Variants in CETN2 observed in about 807,000 individuals in gnomAD.
CETN2 encodes centrin-2.
In CETN2, 2 loss-of-function variants were observed where a neutral mutation model predicts 12.6. That is an observed-to-expected ratio of 0.16 (90% CI 0.07 to 0.50). The LOEUF is 0.50. Among genes scored for constraint, CETN2 ranks in the 20% least tolerant of loss-of-function variants. The pLI, the probability that CETN2 is intolerant of heterozygous loss-of-function variation, is 0.96. For synonymous variants in CETN2, 41 were observed against 43.4 expected (o/e 0.94, Z 0.22); for missense variants, 81 against 128.3 (o/e 0.63, Z 1.78).
chrX:152,829,089 G>A (rs917245852), intron 3 of CETN2, 60 bp downstream of exon 3: 9 of 1,167,460 alleles, frequency 7.7e-6, no homozygotes, highest in African/African-American at 3.6e-5. Context: ...ACAGGAAGAC[G>A]CCATGGACCT....
chrX:152,829,843 T>C (rs1932987002), intron 1 of CETN2, 83 bp from the exon 2 acceptor site: 1 of 803,871 alleles, frequency 1.2e-6, no homozygotes, highest in African/African-American at 2.1e-5. Flanking sequence ...CACCCATATG[T>C]ATTTTTAAAG....
At chrX:152,829,299 C>A in intron 2 of CETN2, 22 bp from the exon 3 acceptor site, 1 of 1,164,672 alleles carries the variant, frequency 8.6e-7, no homozygotes, top group East Asian at 3.0e-5. Flanking sequence ...ACAGGATCGT[C>A]TCAATAAGCA....
At chrX:152,829,126 T>C (rs1932977316) in intron 3 of CETN2, 23 bp downstream of exon 3, 1 of 1,207,583 alleles carries the variant, frequency 8.3e-7, no homozygotes, top group African/African-American at 1.7e-5. Context: ...CTCCATACCA[T>C]GATAATTGTC....
Position 152,829,751 on chromosome X carries a change from A to T in CETN2, c.13T>A (p.Phe5Ile), listed in dbSNP as rs1378178181. 1 of 1,195,855 alleles carries T rather than the reference A, an allele frequency of 8.4e-7. No homozygotes were observed. Among genetic ancestry groups the T allele is most frequent in the Non-Finnish European group, 1.1e-6 (1 of 885,180 alleles). The change falls in exon 2 of 5, where the codon TTT becomes ATT. Residue 5 changes from phenylalanine to isoleucine, a missense_variant. By Grantham distance (21) the Phe-to-Ile change is conservative. Transcript: ENST00000370277. MASN[F>I]KKANMASSSQ... ...CTTGATGCCATGTTTGCCTTCTTAA[A>T]GTTGGAGGCCTTTATATGTTATGCA... is the stretch of plus-strand genomic sequence containing the variant.
Position 152,827,005 on chromosome X carries a change from C to T in CETN2, c.*836G>A, listed in dbSNP as rs1203902269. The T allele has an allele frequency of 1.8e-5, 2 of 112,108 alleles. No homozygotes were observed. Among genetic ancestry groups the T allele is most frequent in the Non-Finnish European group, 3.8e-5 (2 of 53,227 alleles). 9.2% of individuals were successfully genotyped at this position (112,108 alleles called of 1,213,427 possible). On this transcript the variant is annotated 3_prime_UTR_variant, in exon 5 of 5. Transcript: ENST00000370277. ...AAATTCACGAGAGGTTGGCTGAATC[C>T]ATCCTAGTGTTGCGTTAGCCTGGCT...
At chrX:152,828,027 T>G in intron 4 of CETN2, 97 bp from the exon 5 acceptor site, 1 of 639,891 alleles carries the variant, frequency 1.6e-6, no homozygotes, top group South Asian at 3.0e-5. Flanking sequence ...GTCTCTATGC[T>G]GCCCACACTG....
intron 2 of CETN2, 51 bp from the exon 3 acceptor site, chrX:152,829,328 C>T (rs781864213): frequency 5.3e-6 from 6 of 1,137,070 alleles, no homozygotes; most frequent in Non-Finnish European, 5.8e-6. Context: ...GTAGCAGGAG[C>T]AAAAATAACA....
intron 4 of CETN2, 44 bp from the exon 5 acceptor site, chrX:152,827,974 A>C: frequency 9.3e-7 from 1 of 1,080,100 alleles, no homozygotes; most frequent in South Asian, 1.9e-5. Flanking sequence ...AACTAATGCC[A>C]AAAGGTGACT....
rs1932967149 is a variant in CETN2 at position 152,827,882 on chromosome X, G to T, written c.478C>A (p.Gln160Lys). Reference sequence around the variant, plus strand: ...TTTTTCATGATGCGCAGGAACTCTTGCTCACTGACCTCTCCATCTCCATCT... The same window carrying T: ...TTTTTCATGATGCGCAGGAACTCTTTCTCACTGACCTCTCCATCTCCATCT... ...DRDGDGEVSE[Q>K]EFLRIMKKTS... Residue 160 changes from glutamine to lysine, a missense_variant, in exon 5 of 5, where the codon CAA (glutamine) becomes AAA (lysine). Physicochemically the swap from Gln to Lys is moderately conservative, Grantham distance 53 (BLOSUM62 1). Transcript: ENST00000370277. 8.3e-7 allele frequency: 1 copy of T among 1,208,145 alleles called. No homozygotes were observed. Among genetic ancestry groups the T allele is most frequent in the African/African-American group, 1.8e-5 (1 of 56,978 alleles).
At chrX:152,830,520 G>A (rs1052046294) in intron 1 of CETN2, among the ~76,000 whole-genome samples, 188 bp downstream of exon 1, 4 of 113,025 alleles carry the variant, frequency 3.5e-5, no homozygotes, top group African/African-American at 9.6e-5. Flanking sequence ...GGGTGAAGAG[G>A]AGGCAGCAGC....
rs868919720 is a variant in CETN2, at chrX:152,829,012, T to A, written c.291+137A>T. ...CTTGTTTTGGGAGCCCAAAGTAACA[T>A]GATGGGAGGGCAGGCCTCCTGATGC... On this transcript the variant is annotated intron_variant, in intron 3 of 4. Transcript: ENST00000370277. 1.7e-5 allele frequency: 12 copies of A among 719,148 alleles called. No individual in the cohort carries two copies. The African/African-American group carries it at 2.6e-4, about 16-fold the overall frequency. 59.3% of individuals were successfully genotyped at this position (719,148 alleles called of 1,213,427 possible). A position where few individuals can be genotyped will look rare whatever the true frequency, so the allele number is the denominator to read the frequency against.
At chrX:152,830,441 C>G (rs1227585625) in intron 1 of CETN2, among the ~76,000 whole-genome samples, 3 of 113,025 alleles carry the variant, frequency 2.7e-5, no homozygotes, top group Non-Finnish European at 5.6e-5. Flanking sequence ...GTCTTTTTTG[C>G]CCAGGGAGGT....
intron 2 of CETN2, 69 bp from the exon 3 acceptor site, chrX:152,829,346 G>C (rs1932980590): frequency 5.5e-6 from 6 of 1,092,787 alleles, no homozygotes; most frequent in East Asian, 6.1e-5. Flanking sequence ...ACAGTGTTGA[G>C]AGCATTAAGC....
rs143027937 is a variant in CETN2 at position 152,830,354 on chromosome X, G to C, written c.3+354C>G. 9.0e-3 allele frequency among the ~76,000 whole-genome samples: 1,024 copies of C among 113,440 alleles called. 11 individuals are homozygous for C. Among genetic ancestry groups the C allele is most frequent in the African/African-American group, 0.031 (962 of 31,261 alleles). ...GAACACGATACACCTTTTCCCAGCT[G>C]TGTGTGGAAATTTTGGCAGAATGAG... is the stretch of plus-strand genomic sequence containing the variant. On this transcript the variant is annotated intron_variant, in intron 1 of 4. Coordinates refer to ENST00000370277, the MANE Select transcript of CETN2 (RefSeq NM_004344.3).
At chrX:152,829,402 C>T in intron 2 of CETN2, 125 bp from the exon 3 acceptor site, 2 of 912,510 alleles carry the variant, frequency 2.2e-6, no homozygotes, top group South Asian at 2.5e-5. Flanking sequence ...AACACTATGA[C>T]ATTGATCTAA....
rs1932964285 is a variant in CETN2 at position 152,827,553 on chromosome X, A to C, written c.*288T>G. The C allele has an allele frequency of 4.3e-6, 1 of 233,754 alleles. No individual in the cohort carries two copies. Among genetic ancestry groups the C allele is most frequent in the African/African-American group, 2.8e-5 (1 of 36,005 alleles). 19.3% of individuals were successfully genotyped at this position (233,754 alleles called of 1,213,427 possible). A position where few individuals can be genotyped will look rare whatever the true frequency, so the allele number is the denominator to read the frequency against. ...TATGTGGAAATGCATGACGAGGGAA[A>C]CGATGCAAGGCAAAATGGCAGGTGC... is the stretch of plus-strand genomic sequence containing the variant. On this transcript the variant is annotated 3_prime_UTR_variant, in exon 5 of 5. Transcript: ENST00000370277.
intron 3 of CETN2, chrX:152,828,886 T>C: frequency 2.3e-6 from 1 of 436,586 alleles, no homozygotes; most frequent in Non-Finnish European, 3.9e-6. Flanking sequence ...GTTTGCTACC[T>C]ATCGCTATAT....
At chrX:152,828,007 TAG>T in intron 4 of CETN2, 77 bp from the exon 5 acceptor site, 1 of 815,697 alleles carries the variant, frequency 1.2e-6, no homozygotes, top group Non-Finnish European at 1.8e-6. Flanking sequence ...TTTTTTTTTT[TAG>T]AGATGGGGTC....
chrX:152,829,123 C>T (rs1357678626), intron 3 of CETN2, 26 bp downstream of exon 3: 19 of 1,205,472 alleles, frequency 1.6e-5, no homozygotes, highest in Non-Finnish European at 2.1e-5. Flanking sequence ...GGGCTCCATA[C>T]CATGATAATT....
Sources: allele counts gnomAD v4.1 joint callset (sites outside exome capture counted in the v4.1 genomes callset), GRCh38; gene constraint gnomAD v4.1.1; transcripts MANE v1.5; gene names NCBI Gene and HGNC (gene_info 2026-07-23, HGNC 2026-07-21).